Variants in CREB5 observed in about 807,000 individuals in gnomAD.
CREB5 encodes cAMP responsive element binding protein 5, also known as cyclic AMP-responsive element-binding protein 5.
CREB5 carries 19 observed loss-of-function variants against 57.1 expected under a neutral mutation model. The observed-to-expected ratio is 0.33, with a 90% CI of 0.23 to 0.49. CREB5 has a LOEUF of 0.49. Ranked by LOEUF, CREB5 falls within the 20% of genes least tolerant of loss-of-function variation. CREB5 has a pLI of 0.99. For missense variants in CREB5, 579 were observed against 671.6 expected (o/e 0.86, Z 1.52); for synonymous variants, 238 against 238.3 (o/e 1.00, Z 0.01).
intron 1 of CREB5, among the ~76,000 whole-genome samples, chr7:28,327,682 G>A (rs1002646877): frequency 4.0e-5 from 6 of 151,884 alleles, no homozygotes; most frequent in Non-Finnish European, 5.9e-5. Flanking sequence ...TATCATGGCC[G>A]CACTTCCTGC....
intron 5 of CREB5, among the ~76,000 whole-genome samples, chr7:28,681,282 A>G (rs1433628330): frequency 6.6e-6 from 1 of 152,234 alleles, no homozygotes; most frequent in Non-Finnish European, 1.5e-5. Context: ...TCAGGAGGCA[A>G]CATATTCAGG....
intron 5 of CREB5, among the ~76,000 whole-genome samples, chr7:28,647,093 G>A (rs566686206): frequency 2.0e-5 from 3 of 151,890 alleles, no homozygotes; most frequent in South Asian, 2.1e-4. Context: ...TGGACTCCCC[G>A]AATTAGCCAG....
At chr7:28,429,062 G>A (rs1253341098) in intron 1 of CREB5, among the ~76,000 whole-genome samples, 1 of 152,022 alleles carries the variant, frequency 6.6e-6, no homozygotes, top group Non-Finnish European at 1.5e-5. Context: ...ATCTCACTCT[G>A]CCACCCAGGC....
chr7:28,457,532 G>A (rs1011324481), intron 1 of CREB5, among the ~76,000 whole-genome samples: 1 of 152,132 alleles, frequency 6.6e-6, no homozygotes, highest in Non-Finnish European at 1.5e-5. Flanking sequence ...TTTTGAGAAG[G>A]TACTAGATGA....
rs115669224 is a variant in CREB5, at chr7:28,685,200, C to G, written c.465-33553C>G. 3.6e-3 allele frequency among the ~76,000 whole-genome samples: 551 copies of G among 152,308 alleles called. 1 individual carries two copies. The highest frequency in any genetic ancestry group is 0.012 in the African/African-American group (501 of 41,562). ...TCTTTCATTTTAAGGGAGAACTTGT[C>G]TTCCTTCCCTCTCCTTTGGAAGGTT... On this transcript the variant is annotated intron_variant, in intron 5 of 10. Transcript: ENST00000357727.
At position 28,386,320 on chromosome 7, in the gene CREB5, T is replaced by C. The variant is rs145324279; in HGVS notation, c.-25+86879T>C. 3.4e-3 allele frequency among the ~76,000 whole-genome samples: 515 copies of C among 152,332 alleles called. 1 individual carries two copies. The highest frequency in any genetic ancestry group is 0.012 in the African/African-American group (484 of 41,586). The stretch of plus-strand genomic sequence containing the variant: ...ATTTTCTCTATGTAAAATTCTATGA[T>C]GATCGTTCCTTTACACATTTTGTAG... On this transcript the variant is annotated intron_variant, in intron 1 of 9. Coordinates refer to the CREB5 transcript ENST00000396299.
At chr7:28,661,476 G>A (rs1363301402) in intron 5 of CREB5, among the ~76,000 whole-genome samples, 2 of 150,860 alleles carry the variant, frequency 1.3e-5, no homozygotes, top group Non-Finnish European at 1.5e-5. Context: ...ACATGTCAAG[G>A]GGGGAAACTG....
At chr7:28,565,671 G>A (rs1387853401) in intron 4 of CREB5, among the ~76,000 whole-genome samples, 1 of 152,182 alleles carries the variant, frequency 6.6e-6, no homozygotes, top group Non-Finnish European at 1.5e-5. Flanking sequence ...GTTCATGCCT[G>A]TAGTCCCAGC....
chr7:28,542,041 CA>C (rs1794230242), intron 4 of CREB5, among the ~76,000 whole-genome samples: 1 of 152,164 alleles, frequency 6.6e-6, no homozygotes, highest in South Asian at 2.1e-4. Flanking sequence ...TGCCACTAAG[CA>C]AAGAAAATAA....
chr7:28,744,721 C>T (rs1266639418), intron 7 of CREB5, among the ~76,000 whole-genome samples: 2 of 152,188 alleles, frequency 1.3e-5, no homozygotes, highest in Non-Finnish European at 2.9e-5. Context: ...AGGATTTCAA[C>T]ATATGAATTT....
intron 3 of CREB5, among the ~76,000 whole-genome samples, chr7:28,504,535 C>T (rs550089967): frequency 6.6e-6 from 1 of 152,312 alleles, no homozygotes; most frequent in Non-Finnish European, 1.5e-5. Context: ...TCTTTTAGTG[C>T]TTCAACTACA....
chr7:28,685,570 C>T (rs774048232), intron 5 of CREB5, among the ~76,000 whole-genome samples: 2 of 152,138 alleles, frequency 1.3e-5, no homozygotes, highest in Non-Finnish European at 2.9e-5. Flanking sequence ...TAGTTTTTCA[C>T]ACTCAGACCT....
intron 4 of CREB5, among the ~76,000 whole-genome samples, chr7:28,558,375 A>G (rs1216117250): frequency 1.3e-5 from 2 of 152,226 alleles, no homozygotes; most frequent in East Asian, 3.8e-4. Flanking sequence ...TTACATTTGC[A>G]AGTACTAGAC....
At chr7:28,485,417 C>T (rs1239980635) in intron 1 of CREB5, among the ~76,000 whole-genome samples, 1 of 152,018 alleles carries the variant, frequency 6.6e-6, no homozygotes, top group African/African-American at 2.4e-5. Flanking sequence ...AAAGACTCAC[C>T]TTAGGCAAAT....
chr7:28,614,014 A>G (rs113360110), intron 5 of CREB5, among the ~76,000 whole-genome samples: 5,020 of 152,282 alleles, frequency 0.033, 120 homozygotes, highest in Middle Eastern at 0.071. Context: ...GCTGGAGTGC[A>G]GTGATGCAAC....
intron 7 of CREB5, among the ~76,000 whole-genome samples, chr7:28,725,956 TCTC>T (rs2128749845): frequency 6.6e-6 from 1 of 152,292 alleles, no homozygotes; most frequent in South Asian, 2.1e-4. Context: ...GTGTCCTTCT[TCTC>T]TTCTTGCTGG....
At chr7:28,674,441 C>G (rs78398094) in intron 5 of CREB5, among the ~76,000 whole-genome samples, 2 of 152,130 alleles carry the variant, frequency 1.3e-5, no homozygotes, top group East Asian at 3.9e-4. Flanking sequence ...CCTCCCAGGT[C>G]GCTGGCTAAT....
chr7:28,319,003 C>A (rs1275297545), intron 1 of CREB5, among the ~76,000 whole-genome samples: 1 of 152,108 alleles, frequency 6.6e-6, no homozygotes, highest in South Asian at 2.1e-4. Flanking sequence ...AAAGGAAGCC[C>A]GCTTATCTGT....
chr7:28,529,977 G>A (rs1229005342), intron 4 of CREB5, among the ~76,000 whole-genome samples: 1 of 152,132 alleles, frequency 6.6e-6, no homozygotes, highest in Non-Finnish European at 1.5e-5. Flanking sequence ...TATCATCACA[G>A]CTCCATGAGG....
Sources: gnomAD v4.1 joint callset for allele counts (sites outside exome capture counted in the v4.1 genomes callset) on GRCh38, gnomAD v4.1.1 for gene constraint, MANE v1.5 for transcripts, NCBI Gene and HGNC (gene_info 2026-07-23, HGNC 2026-07-21) for gene names.